SPATA18: variants seen among roughly 807,000 people sequenced by gnomAD.
SPATA18 encodes the protein spermatogenesis associated 18.
Under a neutral mutation model 68.1 loss-of-function variants are expected in SPATA18, and 54 were observed. The ratio of observed to expected loss-of-function variants is 0.79; its 90% CI spans 0.64 to 0.99. The LOEUF is 0.99. Ranked by LOEUF, SPATA18 falls within the 50% of genes least tolerant of loss-of-function variation. SPATA18 has a pLI of 0.00. For missense variants in SPATA18, 724 were observed against 681.1 expected (o/e 1.06, Z -0.70); for synonymous variants, 242 against 244.8 (o/e 0.99, Z 0.11).
intron 1 of SPATA18, among the ~76,000 whole-genome samples, chr4:52,059,290 C>T (rs1738624762): frequency 6.6e-6 from 1 of 152,166 alleles, no homozygotes; most frequent in South Asian, 2.1e-4. Flanking sequence ...TTTGTTGTGT[C>T]CAGGAGGCAC....
chr4:52,072,021 G>A lies in SPATA18; in HGVS notation c.623G>A (p.Arg208His), dbSNP rs748412723. Residue 208 changes from arginine to histidine, a missense_variant, in exon 6 of 13, where the codon CGT becomes CAT. Physicochemically the swap from Arg to His is conservative, Grantham distance 29. Transcript: ENST00000295213. ...CCTTGGAGCTTGGAGGAGCGGAAGC[G>A]TGAGCAGTGGAACTCACTCAAGCAG... ...SEPWSLEERK[R>H]EQWNSLKQNA... 16 of 1,613,804 alleles carry A rather than the reference G, an allele frequency of 9.9e-6. No homozygotes were observed. Among genetic ancestry groups the A allele is most frequent in the East Asian group, 8.9e-5 (4 of 44,842 alleles).
intron 1 of SPATA18, among the ~76,000 whole-genome samples, chr4:52,053,424 G>C (rs1578139473): frequency 6.6e-6 from 1 of 152,158 alleles, no homozygotes; most frequent in Middle Eastern, 3.4e-3. Context: ...GAGTTTGCAG[G>C]CATCATTATC....
At chr4:52,076,312 A>T (rs550496290) in intron 6 of SPATA18, among the ~76,000 whole-genome samples, 1 of 152,252 alleles carries the variant, frequency 6.6e-6, no homozygotes, top group South Asian at 2.1e-4. Flanking sequence ...ATACATGAAA[A>T]TTTTTATGTA....
At chr4:52,077,403 C>A (rs1421733445) in intron 7 of SPATA18, among the ~76,000 whole-genome samples, 3 of 117,724 alleles carry the variant, frequency 2.5e-5, no homozygotes, top group African/African-American at 7.6e-5. Flanking sequence ...CTTCTTCCTC[C>A]ATTGTTTCCT....
intron 11 of SPATA18, among the ~76,000 whole-genome samples, chr4:52,087,327 G>A (rs1330839611): frequency 3.9e-5 from 6 of 152,054 alleles, no homozygotes; most frequent in South Asian, 4.2e-4. Flanking sequence ...TGTTTTAGGC[G>A]TGAAGTCTTT....
At chr4:52,059,515 C>T (rs139108140) in intron 1 of SPATA18, among the ~76,000 whole-genome samples, 64 of 152,354 alleles carry the variant, frequency 4.2e-4, no homozygotes, top group South Asian at 1.7e-3. Context: ...ATGTTTTGTT[C>T]TCATTGCTTA....
chr4:52,057,036 T>A (rs577214396), intron 1 of SPATA18, among the ~76,000 whole-genome samples: 1 of 152,214 alleles, frequency 6.6e-6, no homozygotes, highest in East Asian at 1.9e-4. Flanking sequence ...CCTTCACACC[T>A]CACCAGAGGT....
At chr4:52,083,580 A>G (rs946710797) in intron 10 of SPATA18, 17 of 655,466 alleles carry the variant, frequency 2.6e-5, no homozygotes, top group Non-Finnish European at 1.5e-5. Context: ...CCTCATCTCT[A>G]CAAAAAATAA....
At chr4:52,057,630 A>G (rs1236129406) in intron 1 of SPATA18, among the ~76,000 whole-genome samples, 1 of 152,202 alleles carries the variant, frequency 6.6e-6, no homozygotes, top group African/African-American at 2.4e-5. Context: ...GACTCTGCTC[A>G]TGAGATCAGC....
rs768941721 is a variant in SPATA18, at chr4:52,077,018, G to A, written c.998G>A (p.Arg333Gln). Reference sequence around the variant, plus strand: ...ATCGACAAGGCTGAGACCGTTCAGCGGATCATCTACATCGCCACAGTGGTA... The same window carrying A: ...ATCGACAAGGCTGAGACCGTTCAGCAGATCATCTACATCGCCACAGTGGTA... ...RCIDKAETVQ[R>Q]IIYIATVEAF... The change falls in exon 7 of 13, where the codon CGG becomes CAG. Residue 333 changes from arginine (R) to glutamine (Q), a missense_variant. Arg to Gln is a conservative substitution (Grantham distance 43, BLOSUM62 1). Transcript: ENST00000295213. 1 of 1,607,722 alleles carries A rather than the reference G, an allele frequency of 6.2e-7. No homozygotes were observed. Among genetic ancestry groups the A allele is most frequent in the South Asian group, 1.1e-5 (1 of 89,948 alleles).
At chr4:52,061,896 CTG>C (rs1418616682) in intron 3 of SPATA18, among the ~76,000 whole-genome samples, 1 of 152,116 alleles carries the variant, frequency 6.6e-6, no homozygotes, top group African/African-American at 2.4e-5. Flanking sequence ...GAATTTCAAA[CTG>C]TTTTTGGAAA....
intron 1 of SPATA18, among the ~76,000 whole-genome samples, chr4:52,057,997 C>T (rs1009420838): frequency 5.3e-5 from 8 of 152,196 alleles, no homozygotes; most frequent in Non-Finnish European, 1.0e-4. Context: ...GCTCATTCTC[C>T]GTCCACTTAG....
chr4:52,091,739 A>T (rs1243789635), intron 11 of SPATA18, among the ~76,000 whole-genome samples: 1 of 152,202 alleles, frequency 6.6e-6, no homozygotes, highest in African/African-American at 2.4e-5. Context: ...CCCAGTCAGT[A>T]TACACAGGAG....
intron 11 of SPATA18, among the ~76,000 whole-genome samples, chr4:52,086,335 G>A (rs956944918): frequency 6.6e-6 from 1 of 152,056 alleles, no homozygotes; most frequent in Non-Finnish European, 1.5e-5. Context: ...AGGTATACAC[G>A]TGCCCTGGTG....
intron 4 of SPATA18, among the ~76,000 whole-genome samples, chr4:52,064,183 C>CTATATATATATATATA (rs71193057): frequency 3.4e-5 from 5 of 145,976 alleles, no homozygotes; most frequent in Non-Finnish European, 7.5e-5. Context: ...CCTTCTCTTT[C>CTATATATATATATATA]TATATATATA....
intron 9 of SPATA18, among the ~76,000 whole-genome samples, chr4:52,080,438 G>GCAACCAGCA (rs1238481981): frequency 5.9e-5 from 9 of 152,072 alleles, no homozygotes; most frequent in African/African-American, 1.9e-4. Context: ...TTTTGTCTAG[G>GCAACCAGCA]ACCAATAGAT....
intron 4 of SPATA18, among the ~76,000 whole-genome samples, 165 bp downstream of exon 4, chr4:52,062,497 GGAGAGAGAGACA>G (rs1738960711): frequency 6.6e-6 from 1 of 151,898 alleles, no homozygotes; most frequent in Non-Finnish European, 1.5e-5. Flanking sequence ...AGAGAGAGAG[GGAGAGAGAGACA>G]GAGAGAGAGA....
chr4:52,094,109 AG>A (rs1298120396), intron 11 of SPATA18, among the ~76,000 whole-genome samples: 3 of 152,132 alleles, frequency 2.0e-5, no homozygotes, highest in Non-Finnish European at 4.4e-5. Flanking sequence ...CCTTCTACTT[AG>A]TGAAAGTAAA....
rs1738790704 is a variant in SPATA18 at position 52,060,897 on chromosome 4, G to A, written c.309G>A (p.Gln103=). 1 of 1,611,430 alleles carries A rather than the reference G, an allele frequency of 6.2e-7. No individual in the cohort carries two copies. Among genetic ancestry groups the A allele is most frequent in the Non-Finnish European group, 8.5e-7 (1 of 1,177,732 alleles). The change falls in exon 3 of 13, where the codon CAG becomes CAA. Residue 103 remains glutamine, a splice_region_variant and synonymous_variant. Coordinates refer to ENST00000295213, the MANE Select transcript of SPATA18 (RefSeq NM_145263.4). ...TTGACAGCAAGGTCCCCTCTCTGCA[G>A]GTAGGGATGCTGAAGGATAACCCTT... The part of the protein sequence containing the change: ...KSVDSKVPSL[Q]DTFDRERHKD...
Sources: allele counts gnomAD v4.1 joint callset (sites outside exome capture counted in the v4.1 genomes callset), GRCh38; gene constraint gnomAD v4.1.1; transcripts MANE v1.5; gene names NCBI Gene and HGNC (gene_info 2026-07-23, HGNC 2026-07-21).